CSF2RA: variants seen among roughly 807,000 people sequenced by gnomAD.
CSF2RA encodes the protein granulocyte-macrophage colony-stimulating factor receptor subunit alpha.
Under a neutral mutation model 51.6 loss-of-function variants are expected in CSF2RA, and 42 were observed. The observed-to-expected ratio is 0.81, with a 90% CI of 0.64 to 1.05. The LOEUF (loss-of-function observed/expected upper bound fraction) is 1.05. Among genes scored for constraint, CSF2RA ranks in the 50% least tolerant of loss-of-function variants. The pLI is 0.00. For synonymous variants in CSF2RA, 222 were observed against 193.0 expected (o/e 1.15, Z -1.24); for missense variants, 530 against 501.1 (o/e 1.06, Z -0.55).
chrX:1,287,909 G>C (rs1297433356), intron 4 of CSF2RA, among the ~76,000 whole-genome samples: 1 of 141,514 alleles, frequency 7.1e-6, no homozygotes, highest in South Asian at 2.3e-4. Context: ...GCTAATTTTT[G>C]TATTTTTAGT....
rs751042728 is a variant in CSF2RA at position 1,300,661 on chromosome X, C to T, written c.946+35C>T. 1.1e-5 allele frequency: 18 copies of T among 1,613,762 alleles called. 1 individual carries two copies. Among genetic ancestry groups the T allele is most frequent in the East Asian group, 8.9e-5 (4 of 44,864 alleles). Reference sequence around the variant, plus strand: ...GGGCGGAGGTAAGGGATGTTTGTGCCGTCTGCGGCCACCCTGCAGCAGGCA... The same window carrying T: ...GGGCGGAGGTAAGGGATGTTTGTGCTGTCTGCGGCCACCCTGCAGCAGGCA... On this transcript the variant is annotated intron_variant, in intron 10 of 12. Coordinates refer to ENST00000381529, the MANE Select transcript of CSF2RA (RefSeq NM_172245.4).
At chrX:1,321,743 C>T in the CSF2RA span, among the ~76,000 whole-genome samples, 1,802 of 152,210 alleles carry the variant, frequency 0.012, 17 homozygotes, top group Non-Finnish European at 0.017. Flanking sequence ...AAGGCAGAAC[C>T]CCGCTTCTTC....
At chrX:1,293,420 C>T (rs77224630) in intron 7 of CSF2RA, among the ~76,000 whole-genome samples, 68,498 of 151,704 alleles carry the variant, frequency 0.45, 15,943 homozygotes, top group Middle Eastern at 0.57. Context: ...GGGGTTTCAC[C>T]GTGTTAGCCA....
At chrX:1,284,422 T>C (rs1437967875) in intron 3 of CSF2RA, among the ~76,000 whole-genome samples, 1 of 133,740 alleles carries the variant, frequency 7.5e-6, no homozygotes, top group African/African-American at 2.8e-5. Context: ...TTGCCAAGAC[T>C]AGTTTTTGAT....
chrX:1,318,417 C>T, the CSF2RA span, among the ~76,000 whole-genome samples: 2 of 151,708 alleles, frequency 1.3e-5, no homozygotes, highest in Non-Finnish European at 2.9e-5. Flanking sequence ...CCCACCTCGG[C>T]CTCCCAAAGT....
At chrX:1,284,831 AT>A (rs1412828182) in intron 3 of CSF2RA, among the ~76,000 whole-genome samples, 25 of 151,442 alleles carry the variant, frequency 1.7e-4, no homozygotes, top group Admixed American at 6.6e-5. Context: ...TGTCCACCTA[AT>A]TTTTTTGTAT....
downstream of CSF2RA, among the ~76,000 whole-genome samples, chrX:1,314,869 C>CACACT (rs2084467645): frequency 1.2e-5 from 1 of 81,284 alleles, no homozygotes; most frequent in Admixed American, 1.3e-4. Flanking sequence ...CCTGCCCAAC[C>CACACT]GCACTGCACC....
At chrX:1,314,893 TGAACCTGCTCAAC>T (rs2084476349), downstream of CSF2RA, among the ~76,000 whole-genome samples, 7 of 68,800 alleles carry the variant, frequency 1.0e-4, no homozygotes, top group African/African-American at 2.6e-4. Context: ...CCAACCACAC[TGAACCTGCTCAAC>T]CCCACTTCAC....
chrX:1,287,731 A>G (rs2090916331), intron 4 of CSF2RA, among the ~76,000 whole-genome samples: 1 of 127,372 alleles, frequency 7.9e-6, no homozygotes, highest in South Asian at 2.6e-4. Flanking sequence ...GGTGTGAGCC[A>G]CTATGTCCGA....
chrX:1,279,442 A>C (rs1178761120), intron 2 of CSF2RA, among the ~76,000 whole-genome samples: 1 of 152,124 alleles, frequency 6.6e-6, no homozygotes, highest in Non-Finnish European at 1.5e-5. Flanking sequence ...AGAGGGGGCC[A>C]GTCTCAAGGA....
intron 12 of CSF2RA, among the ~76,000 whole-genome samples, chrX:1,308,237 G>A (rs1259425960): frequency 1.3e-5 from 2 of 152,122 alleles, no homozygotes; most frequent in East Asian, 1.9e-4. Context: ...GCCTAGTCAC[G>A]GGGACACGTC....
At chrX:1,270,796 T>C (rs1238418463) in intron 1 of CSF2RA, among the ~76,000 whole-genome samples, 1 of 150,350 alleles carries the variant, frequency 6.7e-6, no homozygotes. Context: ...TCCCAGGACT[T>C]TGGGAGGCTG....
At chrX:1,319,351 G>A in the CSF2RA span, among the ~76,000 whole-genome samples, 3 of 148,900 alleles carry the variant, frequency 2.0e-5, no homozygotes, top group East Asian at 2.0e-4. Context: ...TGGAGTGCAC[G>A]ATCATGGCTC....
rs2090436916 is a variant in CSF2RA, at chrX:1,284,670, T to G, written c.77-1108T>G. Among the ~76,000 whole-genome samples, 3 of 143,074 alleles carry G rather than the reference T, an allele frequency of 2.1e-5. No individual in the cohort carries two copies. The South Asian group carries it at 6.9e-4, about 33-fold the overall frequency. The allele number at this position is 143,074 out of a possible 152,430, so 93.9% of individuals were successfully genotyped here. A position where few individuals can be genotyped will look rare whatever the true frequency, so the allele number is the denominator to read the frequency against. On this transcript the variant is annotated intron_variant, in intron 3 of 12. Transcript: ENST00000381529. Reference sequence around the variant, plus strand: ...CAAGACTAGTTTTTGATTTTTTTTTTTTTTTTTTTTTTGAGATGGAGTCTT... The same window carrying G: ...CAAGACTAGTTTTTGATTTTTTTTTGTTTTTTTTTTTTGAGATGGAGTCTT...
rs150441876 is a variant in CSF2RA, at chrX:1,302,470, G to A, written c.947-1453G>A. On this transcript the variant is annotated intron_variant, in intron 10 of 12. Transcript: ENST00000381529. ...GAGGTGCATTCGTGTCTGGTGGGCC[G>A]GGGTGACTGCACCTGTAAGAAATTT... 3.5e-3 allele frequency among the ~76,000 whole-genome samples: 540 copies of A among 152,120 alleles called. 4 individuals carry two copies. The highest frequency in any genetic ancestry group is 0.012 in the African/African-American group (501 of 41,498).
At chrX:1,305,906 C>T in intron 12 of CSF2RA, 7 of 916,160 alleles carry the variant, frequency 7.6e-6, no homozygotes, top group Non-Finnish European at 1.2e-5. Flanking sequence ...CGTGGTGAAA[C>T]CCCATCTCTG....
chrX:1,309,394 T>C lies in CSF2RA; in HGVS notation c.1126-8T>C, dbSNP rs2084014544. 1.2e-6 allele frequency: 2 copies of C among 1,613,622 alleles called. No homozygotes were observed. Among genetic ancestry groups the C allele is most frequent in the Non-Finnish European group, 8.5e-7 (1 of 1,179,770 alleles). On this transcript the variant is annotated splice_region_variant and splice_polypyrimidine_tract_variant and intron_variant, in intron 12 of 12. Coordinates refer to ENST00000381529, the MANE Select transcript of CSF2RA (RefSeq NM_172245.4). ...AGATCTGACAGCCTGAACCCTCCTTTTTCTCAGATCATCTGGGAGGAATTC... is the reference window on the plus strand; with the variant it reads ...AGATCTGACAGCCTGAACCCTCCTTCTTCTCAGATCATCTGGGAGGAATTC...
At chrX:1,320,449 C>G in the CSF2RA span, among the ~76,000 whole-genome samples, 11,501 of 150,914 alleles carry the variant, frequency 0.076, 1,153 homozygotes, top group African/African-American at 0.23. Flanking sequence ...CTTTCTAGAT[C>G]TGTTGATTCT....
At chrX:1,275,701 G>A (rs1271528411) in intron 2 of CSF2RA, among the ~76,000 whole-genome samples, 1 of 151,640 alleles carries the variant, frequency 6.6e-6, no homozygotes. Context: ...TGGGACTACA[G>A]GCGCCCACCA....
Sources: gnomAD v4.1 joint callset for allele counts (sites outside exome capture counted in the v4.1 genomes callset) on GRCh38, gnomAD v4.1.1 for gene constraint, MANE v1.5 for transcripts, NCBI Gene and HGNC (gene_info 2026-07-23, HGNC 2026-07-21) for gene names.